The following KIFAP3 variants were observed in gnomAD, a reference collection of about 807,000 sequenced individuals.
KIFAP3 encodes kinesin associated protein 3.
Under a neutral mutation model 106.5 loss-of-function variants are expected in KIFAP3, and 68 were observed. The observed-to-expected ratio is 0.64, with a 90% CI of 0.53 to 0.78. The LOEUF is 0.78. Ranked by LOEUF, KIFAP3 falls within the 30% of genes least tolerant of loss-of-function variation. KIFAP3 has a pLI of 0.00. For synonymous variants in KIFAP3, 320 were observed against 311.5 expected, an observed-to-expected ratio of 1.03 and a Z score of -0.29; for missense variants, 780 against 941.8, an observed-to-expected ratio of 0.83 and a Z score of 2.25.
chr1:170,057,139 C>A (rs1670894602), intron 1 of KIFAP3, among the ~76,000 whole-genome samples: 1 of 152,026 alleles, frequency 6.6e-6, no homozygotes, highest in African/African-American at 2.4e-5. Context: ...CAGTACTGGA[C>A]TTTTTATAAC....
At chr1:170,049,371 G>A (rs916972967) in intron 2 of KIFAP3, among the ~76,000 whole-genome samples, 2 of 152,226 alleles carry the variant, frequency 1.3e-5, no homozygotes, top group East Asian at 1.9e-4. Context: ...AACCTGGCAG[G>A]AGGGGTGGCT....
At chr1:170,065,673 C>T (rs1671408790) in intron 1 of KIFAP3, among the ~76,000 whole-genome samples, 2 of 133,882 alleles carry the variant, frequency 1.5e-5, no homozygotes, top group African/African-American at 5.6e-5. Flanking sequence ...TCCATTGGAA[C>T]ATTAAAACCT....
chr1:170,079,908 G>A (rs1374115100), intron 1 of KIFAP3, among the ~76,000 whole-genome samples: 2 of 151,510 alleles, frequency 1.3e-5, no homozygotes, highest in African/African-American at 4.8e-5. Context: ...ATAAACAAGG[G>A]ATGTCTTTCC....
chr1:169,933,330 T>C (rs1475293455), intron 19 of KIFAP3, among the ~76,000 whole-genome samples: 3 of 152,068 alleles, frequency 2.0e-5, no homozygotes, highest in African/African-American at 2.4e-5. Flanking sequence ...CAGAATACTG[T>C]ATAATATACC....
At chr1:170,025,021 T>G (rs1044842150) in intron 8 of KIFAP3, among the ~76,000 whole-genome samples, 2 of 152,172 alleles carry the variant, frequency 1.3e-5, no homozygotes, top group Non-Finnish European at 2.9e-5. Flanking sequence ...AACTAAAGTC[T>G]GCTGTGTTAA....
intron 15 of KIFAP3, among the ~76,000 whole-genome samples, chr1:169,979,656 T>C (rs1055383525): frequency 2.0e-5 from 3 of 151,948 alleles, no homozygotes; most frequent in Non-Finnish European, 2.9e-5. Context: ...TGTGGAAAAA[T>C]TGCAGCTCTC....
At chr1:169,927,794 T>C (rs1308420194) in intron 19 of KIFAP3, among the ~76,000 whole-genome samples, 1 of 152,162 alleles carries the variant, frequency 6.6e-6, no homozygotes, top group Non-Finnish European at 1.5e-5. Context: ...TTTAGATTTA[T>C]GATATAAGCA....
intron 3 of KIFAP3, chr1:170,041,609 T>C: frequency 1.6e-6 from 2 of 1,287,410 alleles, no homozygotes; most frequent in Admixed American, 2.0e-5. Flanking sequence ...TGAGTCCAAG[T>C]GGCTGCCTGG....
At chr1:169,989,455 C>T (rs751747872) in intron 11 of KIFAP3, among the ~76,000 whole-genome samples, 1 of 151,980 alleles carries the variant, frequency 6.6e-6, no homozygotes, top group Non-Finnish European at 1.5e-5. Flanking sequence ...AGTTCTGACT[C>T]TAAATGGAAT....
intron 18 of KIFAP3, among the ~76,000 whole-genome samples, chr1:169,957,547 A>T (rs917411923): frequency 7.2e-5 from 11 of 152,156 alleles, no homozygotes; most frequent in Non-Finnish European, 1.3e-4. Flanking sequence ...TTGTGAATTA[A>T]AAAAAATACA....
chr1:170,014,215 C>A lies in KIFAP3; in HGVS notation c.1183+2247G>T, dbSNP rs556182523. Among the ~76,000 whole-genome samples the A allele has an allele frequency of 2.6e-5, 4 of 152,264 alleles. No individual in the cohort carries two copies. The South Asian group carries it at 8.3e-4, about 32-fold the overall frequency. ...CCCTTGAGCAGATTTCTGATTATAA[C>A]CTACCGAGCTCAAAAGTCTACAATG... On this transcript the variant is annotated intron_variant, in intron 10 of 19. Transcript: ENST00000361580.
intron 2 of KIFAP3, among the ~76,000 whole-genome samples, chr1:170,050,124 A>AT (rs1434284343): frequency 2.6e-5 from 4 of 152,294 alleles, no homozygotes; most frequent in South Asian, 2.1e-4. Context: ...GATAACTAGA[A>AT]TAACCAGTTT....
chr1:170,044,556 T>C (rs774373510), intron 3 of KIFAP3, among the ~76,000 whole-genome samples: 1 of 152,212 alleles, frequency 6.6e-6, no homozygotes, highest in Non-Finnish European at 1.5e-5. Flanking sequence ...AAAATGATCA[T>C]GACATCTGAA....
At chr1:170,047,845 A>G (rs1670342034) in intron 2 of KIFAP3, among the ~76,000 whole-genome samples, 1 of 152,160 alleles carries the variant, frequency 6.6e-6, no homozygotes, top group African/African-American at 2.4e-5. Flanking sequence ...GATTCAGGGT[A>G]CCAGGAAGAG....
intron 3 of KIFAP3, among the ~76,000 whole-genome samples, chr1:170,040,060 T>C (rs973522347): frequency 4.6e-5 from 7 of 152,110 alleles, no homozygotes; most frequent in Non-Finnish European, 7.4e-5. Flanking sequence ...CAAATAAATA[T>C]ATGATAGAAT....
At chr1:169,953,004 T>A (rs1325247490) in intron 19 of KIFAP3, among the ~76,000 whole-genome samples, 2 of 151,944 alleles carry the variant, frequency 1.3e-5, no homozygotes, top group Admixed American at 6.6e-5. Context: ...AAGAAAAAAA[T>A]TAATAATTTA....
chr1:170,073,707 CTT>C (rs533948925), intron 1 of KIFAP3, among the ~76,000 whole-genome samples: 1 of 146,944 alleles, frequency 6.8e-6, no homozygotes. Context: ...TGGGAGGTAT[CTT>C]TTTTTTTTTC....
chr1:169,921,791 A>G lies in KIFAP3; in HGVS notation c.2274-10T>C, dbSNP rs1378925547. On this transcript the variant is annotated splice_polypyrimidine_tract_variant and intron_variant, in intron 19 of 19. Coordinates refer to ENST00000361580, the MANE Select transcript of KIFAP3 (RefSeq NM_014970.4). Reference sequence around the variant, plus strand: ...GCCATCCATTCCAAGGCTAAAAAAGAAAAAAAAGAATGATAAGCTATGTTT... The same window carrying G: ...GCCATCCATTCCAAGGCTAAAAAAGGAAAAAAAGAATGATAAGCTATGTTT... 1.9e-6 allele frequency: 3 copies of G among 1,603,590 alleles called. No homozygotes were observed. The highest frequency in any genetic ancestry group is 1.7e-5 in the Admixed American group (1 of 59,878).
At chr1:170,037,564 T>C (rs1270735007) in intron 5 of KIFAP3, among the ~76,000 whole-genome samples, 2 of 150,046 alleles carry the variant, frequency 1.3e-5, no homozygotes, top group African/African-American at 2.5e-5. Context: ...ACCCTGTCTC[T>C]ACTAAAAAAA....
Sources: gnomAD v4.1 joint callset for allele counts (sites outside exome capture counted in the v4.1 genomes callset) on GRCh38, gnomAD v4.1.1 for gene constraint, MANE v1.5 for transcripts, NCBI Gene and HGNC (gene_info 2026-07-23, HGNC 2026-07-21) for gene names.